The following CLDN19 variants were observed in gnomAD, a reference collection of about 807,000 sequenced individuals.
CLDN19 encodes claudin-19.
In CLDN19, 19 loss-of-function variants were observed where a neutral mutation model predicts 24.5. The observed-to-expected ratio is 0.78, with a 90% CI of 0.54 to 1.14. The LOEUF is 1.14. Among genes scored for constraint, CLDN19 ranks in the 50% most tolerant of loss-of-function variants. CLDN19 has a pLI of 0.00. For synonymous variants in CLDN19, 117 were observed against 129.6 expected (o/e 0.90, Z 0.66); for missense variants, 250 against 295.9 (o/e 0.84, Z 1.14).
intron 3 of CLDN19, among the ~76,000 whole-genome samples, chr1:42,737,595 T>C (rs1651410069): frequency 6.6e-6 from 1 of 152,248 alleles, no homozygotes; most frequent in East Asian, 1.9e-4. Context: ...GCTCAGGTTC[T>C]AGCTCCATTT....
chr1:42,736,594 C>A (rs912694871), intron 3 of CLDN19, among the ~76,000 whole-genome samples: 2 of 152,232 alleles, frequency 1.3e-5, no homozygotes, highest in African/African-American at 2.4e-5. Flanking sequence ...GCCCACCACT[C>A]CTGTGCCTCC....
At position 42,734,442 on chromosome 1, in the gene CLDN19, T is replaced by A. The variant is rs1651288511; in HGVS notation, c.*644A>T. On this transcript the variant is annotated 3_prime_UTR_variant, in exon 5 of 5. Transcript: ENST00000296387. ...GTAGGTGTGGAAACAAGGGGCAGGA[T>A]TCGGGGTGAGCAGAGCTGGGGGCTG... is the stretch of plus-strand genomic sequence containing the variant. 1 of 153,338 alleles carries A rather than the reference T, an allele frequency of 6.5e-6. No individual in the cohort carries two copies. The highest frequency in any genetic ancestry group is 1.4e-5 in the Non-Finnish European group (1 of 69,050). The allele number at this position is 153,338 out of a possible 1,614,324, so 9.5% of individuals were successfully genotyped here.
At position 42,740,212 on chromosome 1, in the gene CLDN19, C is replaced by T. The variant is rs560412100; in HGVS notation, c.-149G>A. The T allele has an allele frequency of 8.0e-5, 56 of 696,082 alleles. No individual in the cohort carries two copies. The highest frequency in any genetic ancestry group is 2.0e-4 in the South Asian group (13 of 64,662). The allele number at this position is 696,082 out of a possible 1,614,324, so 43.1% of individuals were successfully genotyped here. On this transcript the variant is annotated 5_prime_UTR_variant, in exon 1 of 5. Coordinates refer to ENST00000296387, the MANE Select transcript of CLDN19 (RefSeq NM_148960.3). ...AGGCAGAGAAGGAGAGGTGGTGCGG[C>T]GGCAGCGGCTGGAGCAAAGGCAGTG...
In CLDN19 at chr1:42,733,481, C is replaced by T. The variant is rs1289160691; in HGVS notation, c.*1605G>A. 1.3e-5 allele frequency: 2 copies of T among 152,248 alleles called. No homozygotes were observed. The highest frequency in any genetic ancestry group is 4.8e-5 in the African/African-American group (2 of 41,434). The allele number at this position is 152,248 out of a possible 1,614,324, so 9.4% of individuals were successfully genotyped here. ...TCAGTGCTGACCACACACTACAGTCCCCTGAGGAGCTACATGACTTCTGAT... is the reference window on the plus strand; with the variant it reads ...TCAGTGCTGACCACACACTACAGTCTCCTGAGGAGCTACATGACTTCTGAT... On this transcript the variant is annotated 3_prime_UTR_variant, in exon 5 of 5. Coordinates refer to ENST00000296387, the MANE Select transcript of CLDN19 (RefSeq NM_148960.3).
In CLDN19 at chr1:42,735,009, T is replaced by C; in HGVS notation, c.*77A>G. Reference sequence around the variant, plus strand: ...TGATACCATGATTGGGGCTGGATGTTCACTTCTCTTTCCAAAAAAATATGA... The same window carrying C: ...TGATACCATGATTGGGGCTGGATGTCCACTTCTCTTTCCAAAAAAATATGA... On this transcript the variant is annotated 3_prime_UTR_variant, in exon 5 of 5. Transcript: ENST00000296387. 8.4e-7 allele frequency: 1 copy of C among 1,190,848 alleles called. No individual in the cohort carries two copies. Among genetic ancestry groups the C allele is most frequent in the Non-Finnish European group, 1.2e-6 (1 of 805,452 alleles). 73.8% of individuals were successfully genotyped at this position (1,190,848 alleles called of 1,614,324 possible).
At chr1:42,737,729 C>A (rs1161790174) in intron 3 of CLDN19, among the ~76,000 whole-genome samples, 2 of 152,246 alleles carry the variant, frequency 1.3e-5, no homozygotes, top group African/African-American at 4.8e-5. Flanking sequence ...GTCACCCAGA[C>A]TGGAGTGCAG....
intron 1 of CLDN19, among the ~76,000 whole-genome samples, 190 bp from the exon 2 acceptor site, chr1:42,738,775 G>A (rs1651457207): frequency 6.8e-6 from 1 of 148,100 alleles, no homozygotes. Flanking sequence ...GTGTGGGGGT[G>A]AGAGTCCCCT....
intron 3 of CLDN19, among the ~76,000 whole-genome samples, chr1:42,736,333 G>C (rs1651370945): frequency 6.6e-6 from 1 of 152,218 alleles, no homozygotes; most frequent in African/African-American, 2.4e-5. Context: ...GAGGGGGCAT[G>C]GGAGGGCCTG....
In CLDN19 at chr1:42,734,663, AC is replaced by A. The variant is rs1557549040; in HGVS notation, c.*422del. On this transcript the variant is annotated 3_prime_UTR_variant, in exon 5 of 5. Transcript: ENST00000296387. The stretch of plus-strand genomic sequence containing the variant: ...CACAGTAACAGGGGCAGGGTTTACT[AC>A]CTTGGGGCCTCTTTCCACACCAGGG... The A allele has an allele frequency of 5.4e-6, 1 of 184,546 alleles. No individual in the cohort carries two copies. The highest frequency in any genetic ancestry group is 1.2e-5 in the Non-Finnish European group (1 of 86,696). 11.4% of individuals were successfully genotyped at this position (184,546 alleles called of 1,614,324 possible). A position where few individuals can be genotyped will look rare whatever the true frequency, so the allele number is the denominator to read the frequency against.
Position 42,738,438 on chromosome 1 carries a change from G to T in CLDN19, c.371C>A (p.Ala124Asp), listed in dbSNP as rs1266106532. The T allele has an allele frequency of 1.9e-6, 3 of 1,613,984 alleles. No individual in the cohort carries two copies. The highest frequency in any genetic ancestry group is 1.1e-5 in the South Asian group (1 of 91,084). ...GCACTCACCTGCCAGGATGAAGAGG[G>T]CTCCCCCGGCGATGGCAACACGGCC... The part of the protein sequence containing the change: ...AKGRVAIAGG[A>D]LFILAGLCTL... The change falls in exon 2 of 5, where the codon GCC (alanine) becomes GAC (aspartate). Residue 124 changes from alanine (A) to aspartate (D), a missense_variant. Ala to Asp is a moderately radical substitution (Grantham distance 126). Transcript: ENST00000296387.
Position 42,738,497 on chromosome 1 carries a change from A to T in CLDN19, c.312T>A (p.Cys104Ter). ...AMVLSVVGMK[C>*]TRVGDSNPIA... Reference sequence around the variant, plus strand: ...TGGGGTTGCTGTCTCCCACCCGCGTACACTTCATGCCAACTACGCTGAGGA... The same window carrying T: ...TGGGGTTGCTGTCTCCCACCCGCGTTCACTTCATGCCAACTACGCTGAGGA... Residue 104 changes from cysteine to a stop codon, truncating the protein, a stop_gained, in exon 2 of 5, where the codon TGT becomes TGA. Coordinates refer to ENST00000296387, the MANE Select transcript of CLDN19 (RefSeq NM_148960.3). LOFTEE classifies it high-confidence loss of function. 1 of 1,614,010 alleles carries T rather than the reference A, an allele frequency of 6.2e-7. No individual in the cohort carries two copies. The highest frequency in any genetic ancestry group is 1.1e-5 in the South Asian group (1 of 91,080).
chr1:42,738,412 G>A lies in CLDN19; in HGVS notation c.388+9C>T. 1 of 1,613,892 alleles carries A rather than the reference G, an allele frequency of 6.2e-7. No homozygotes were observed. Among genetic ancestry groups the A allele is most frequent in the South Asian group, 1.1e-5 (1 of 91,076 alleles). ...TGGTTGTGATTGTGCAGGAGTGAGGGGCACTCACCTGCCAGGATGAAGAGG... is the reference window on the plus strand; with the variant it reads ...TGGTTGTGATTGTGCAGGAGTGAGGAGCACTCACCTGCCAGGATGAAGAGG... On this transcript the variant is annotated intron_variant, in intron 2 of 4. Coordinates refer to ENST00000296387, the MANE Select transcript of CLDN19 (RefSeq NM_148960.3).
In CLDN19 at chr1:42,735,120, A is replaced by C. The variant is rs753338977; in HGVS notation, c.641T>G (p.Leu214Trp). ...CAGGGGGCCCTTGGCGGAGGCGGGC[A>C]ATTTAACAACTGGTCTGAAAGTCAA... is the stretch of plus-strand genomic sequence containing the variant. ...SAAAREPVVK[L>W]PASAKGPLGV is the part of the protein sequence containing the mutation. The change falls in exon 5 of 5, where the codon TTG becomes TGG. Residue 214 changes from leucine (L) to tryptophan (W), a missense_variant. By Grantham distance (61) the Leu-to-Trp change is moderately conservative. Transcript: ENST00000296387. The C allele has an allele frequency of 8.1e-6, 13 of 1,613,958 alleles. No homozygotes were observed. In the East Asian group the frequency reaches 2.5e-4, roughly 30 times the overall value.
intron 1 of CLDN19, 37 bp downstream of exon 1, chr1:42,739,804 C>T (rs747784876): frequency 1.3e-6 from 2 of 1,580,652 alleles, no homozygotes. Context: ...CTGCTGTTCC[C>T]ACCTCCCATC....
rs376266757 is a variant in CLDN19, at chr1:42,735,874, G to A, written c.626+4C>T. 26 of 1,574,536 alleles carry A rather than the reference G, an allele frequency of 1.7e-5. No individual in the cohort carries two copies. Among genetic ancestry groups the A allele is most frequent in the Non-Finnish European group, 2.0e-5 (23 of 1,159,918 alleles). On this transcript the variant is annotated splice_donor_region_variant and intron_variant, in intron 4 of 4. Coordinates refer to ENST00000296387, the MANE Select transcript of CLDN19 (RefSeq NM_148960.3). ...TGGCCAGGGCAGGCGGAGCTCAGAC[G>A]TACTCTCGGGCAGCAGCAGAGGGTC... is the stretch of plus-strand genomic sequence containing the variant.
chr1:42,735,085 A>G lies in CLDN19; in HGVS notation c.*1T>C, dbSNP rs1328261253. The G allele has an allele frequency of 5.0e-6, 8 of 1,610,170 alleles. No homozygotes were observed. Among genetic ancestry groups the G allele is most frequent in the Non-Finnish European group, 6.8e-6 (8 of 1,176,622 alleles). The stretch of plus-strand genomic sequence containing the variant: ...GACAGAGCCTGGCTGGGGACTGGAC[A>G]TTACACACCCAGGGGGCCCTTGGCG... On this transcript the variant is annotated 3_prime_UTR_variant, in exon 5 of 5. Transcript: ENST00000296387.
chr1:42,733,356 G>A lies in CLDN19; in HGVS notation c.*1730C>T, dbSNP rs1244664749. 1 of 152,610 alleles carries A rather than the reference G, an allele frequency of 6.6e-6. No individual in the cohort carries two copies. Among genetic ancestry groups the A allele is most frequent in the Non-Finnish European group, 1.5e-5 (1 of 68,384 alleles). 9.5% of individuals were successfully genotyped at this position (152,610 alleles called of 1,614,324 possible). A position where few individuals can be genotyped will look rare whatever the true frequency, so the allele number is the denominator to read the frequency against. On this transcript the variant is annotated 3_prime_UTR_variant, in exon 5 of 5. Transcript: ENST00000296387. ...CCCAAAGTGCTGGGATTACAAGCGT[G>A]AGCCACCGTGCCTGACCTCCACCTC...
In CLDN19 at chr1:42,738,293, C is replaced by T; in HGVS notation, c.409G>A (p.Val137Ile). Reference sequence around the variant, plus strand: ...GTCACCAGGGTGGCATACCACGAGACAGCAGTCAAAGTGCAGAGGCCTAAA... The same window carrying T: ...GTCACCAGGGTGGCATACCACGAGATAGCAGTCAAAGTGCAGAGGCCTAAA... ...ILAGLCTLTAVSWYATLVTQE... is the reference protein window; with the variant it reads ...ILAGLCTLTAISWYATLVTQE... Residue 137 changes from valine to isoleucine, a missense_variant, in exon 3 of 5, where the codon GTC becomes ATC. Transcript: ENST00000296387. 1 of 1,613,908 alleles carries T rather than the reference C, an allele frequency of 6.2e-7. No individual in the cohort carries two copies. The highest frequency in any genetic ancestry group is 8.5e-7 in the Non-Finnish European group (1 of 1,180,036).
Position 42,733,444 on chromosome 1 carries a change from A to G in CLDN19, c.*1642T>C, listed in dbSNP as rs56345167. The G allele has an allele frequency of 0.19, 28,836 of 152,282 alleles. 3,009 individuals carry two copies. Among genetic ancestry groups the G allele is most frequent in the African/African-American group, 0.27 (11,239 of 41,452 alleles). The allele number at this position is 152,282 out of a possible 1,614,324, so 9.4% of individuals were successfully genotyped here. A position where few individuals can be genotyped will look rare whatever the true frequency, so the allele number is the denominator to read the frequency against. On this transcript the variant is annotated 3_prime_UTR_variant, in exon 5 of 5. Transcript: ENST00000296387. ...CAGAGTCACCTGGGCTTGAGGCCTC[A>G]TAGAGGAGCCCTCAGTGCTGACCAC...
Sources: gnomAD v4.1 joint callset for allele counts (sites outside exome capture counted in the v4.1 genomes callset) on GRCh38, gnomAD v4.1.1 for gene constraint, MANE v1.5 for transcripts, NCBI Gene and HGNC (gene_info 2026-07-23, HGNC 2026-07-21) for gene names.